TLCD4: variants seen among roughly 807,000 people sequenced by gnomAD.
TLCD4 encodes the protein TLC domain containing 4, also known as TLC domain-containing protein 4.
TLCD4 carries 7 observed loss-of-function variants against 24.2 expected under a neutral mutation model. The observed-to-expected ratio is 0.29, with a 90% CI of 0.16 to 0.54. The LOEUF is 0.54. Among genes scored for constraint, TLCD4 ranks in the 20% least tolerant of loss-of-function variants. The pLI is 0.95. For synonymous variants in TLCD4, 103 were observed against 106.4 expected (o/e 0.97, Z 0.20); for missense variants, 259 against 313.9 (o/e 0.82, Z 1.32).
At chr1:95,145,806 A>G (rs1677327537) in intron 2 of TLCD4, among the ~76,000 whole-genome samples, 1 of 152,182 alleles carries the variant, frequency 6.6e-6, no homozygotes, top group South Asian at 2.1e-4. Context: ...AATATTTTGC[A>G]TTATCTAGTC....
intron 6 of TLCD4, among the ~76,000 whole-genome samples, chr1:95,180,859 T>C (rs564747943): frequency 1.7e-4 from 26 of 152,350 alleles, no homozygotes; most frequent in Non-Finnish European, 3.1e-4. Context: ...GCTTTAGATA[T>C]AGCGTCTGGC....
intron 5 of TLCD4, among the ~76,000 whole-genome samples, chr1:95,153,175 T>A (rs1179801106): frequency 6.6e-6 from 1 of 152,008 alleles, no homozygotes; most frequent in Non-Finnish European, 1.5e-5. Flanking sequence ...TGTTTAATGG[T>A]ACAGAGTTTC....
chr1:95,164,277 C>G (rs769727421), intron 5 of TLCD4: 1 of 153,006 alleles, frequency 6.5e-6, no homozygotes, highest in East Asian at 1.9e-4. Context: ...AGCGAGGCTC[C>G]GTGGGCATGG....
rs190228809 is a variant in TLCD4 at position 95,160,902 on chromosome 1, G to A, written c.399+9483G>A. Among the ~76,000 whole-genome samples the A allele has an allele frequency of 2.6e-5, 4 of 152,286 alleles. No individual in the cohort carries two copies. In the East Asian group the frequency reaches 7.7e-4, roughly 29 times the overall value. ...CTTGATGTGCTGCTGGATTTGGTTT[G>A]CCAGTATTTTATTGAGGATTTTTGC... On this transcript the variant is annotated intron_variant, in intron 5 of 6. Transcript: ENST00000370203.
chr1:95,099,093 T>G, the TLCD4 span, among the ~76,000 whole-genome samples: 1 of 139,114 alleles, frequency 7.2e-6, no homozygotes, highest in South Asian at 2.3e-4. Flanking sequence ...GTAATGATGT[T>G]TCTTTAGAAT....
chr1:95,121,620 G>A (rs369117477), intron 1 of TLCD4, among the ~76,000 whole-genome samples: 1 of 152,102 alleles, frequency 6.6e-6, no homozygotes, highest in African/African-American at 2.4e-5. Flanking sequence ...ACAGGCACCC[G>A]CCACCACCCC....
At chr1:95,149,517 T>C (rs1444415166) in intron 3 of TLCD4, among the ~76,000 whole-genome samples, 3 of 152,136 alleles carry the variant, frequency 2.0e-5, no homozygotes, top group Non-Finnish European at 4.4e-5. Context: ...TGCAAGGACG[T>C]TTTTCTATTC....
the TLCD4 span, among the ~76,000 whole-genome samples, chr1:95,110,913 G>A: frequency 6.6e-6 from 1 of 150,608 alleles, no homozygotes; most frequent in South Asian, 2.1e-4. Context: ...CATATAAACT[G>A]GTGATTGATA....
intron 1 of TLCD4, among the ~76,000 whole-genome samples, chr1:95,121,818 T>C (rs1352163380): frequency 2.0e-5 from 3 of 152,380 alleles, no homozygotes; most frequent in Non-Finnish European, 2.9e-5. Flanking sequence ...CTGTCAGGAC[T>C]TCCTTAGAAG....
upstream of TLCD4, among the ~76,000 whole-genome samples, chr1:95,114,060 T>C (rs1321164157): frequency 1.3e-5 from 2 of 152,122 alleles, no homozygotes; most frequent in Non-Finnish European, 2.9e-5. Context: ...CCTTTTGGTT[T>C]GTTTGTTTGT....
chr1:95,100,176 T>C, the TLCD4 span, among the ~76,000 whole-genome samples: 1 of 152,248 alleles, frequency 6.6e-6, no homozygotes, highest in Non-Finnish European at 1.5e-5. Flanking sequence ...AATCTTATTG[T>C]CACTATTTTA....
At chr1:95,113,014 C>T (rs143910230), upstream of TLCD4, among the ~76,000 whole-genome samples, 7 of 151,902 alleles carry the variant, frequency 4.6e-5, 1 homozygote, top group African/African-American at 1.7e-4. Context: ...CTGCATCCAA[C>T]CTTAGCTACA....
chr1:95,193,503 G>A lies in TLCD4; in HGVS notation c.*1635G>A, dbSNP rs1399904981. 1 of 152,050 alleles carries A rather than the reference G, an allele frequency of 6.6e-6. No homozygotes were observed. Among genetic ancestry groups the A allele is most frequent in the Non-Finnish European group, 1.5e-5 (1 of 67,946 alleles). The allele number at this position is 152,050 out of a possible 1,614,324, so 9.4% of individuals were successfully genotyped here. A position where few individuals can be genotyped will look rare whatever the true frequency, so the allele number is the denominator to read the frequency against. On this transcript the variant is annotated 3_prime_UTR_variant, in exon 7 of 7. Transcript: ENST00000370203. ...GAAATTAATTGAACTCATACCAAAA[G>A]ATGTAATCCAGTTTCTCAGTTTGAA... is the stretch of plus-strand genomic sequence containing the variant.
intron 1 of TLCD4, among the ~76,000 whole-genome samples, chr1:95,140,295 A>G (rs746242250): frequency 5.3e-5 from 8 of 152,120 alleles, no homozygotes; most frequent in Non-Finnish European, 8.8e-5. Context: ...ATCACCTCAA[A>G]CACGTGAGTA....
the TLCD4 span, among the ~76,000 whole-genome samples, chr1:95,109,912 CATATATATATATATATATATATATAT>C: frequency 2.1e-4 from 17 of 80,276 alleles, no homozygotes; most frequent in East Asian, 1.6e-3. Flanking sequence ...TGTGTGTATG[CATATATATATATATATATATATATAT>C]ATATATATAT....
chr1:95,188,924 A>G (rs1039547911), intron 6 of TLCD4, among the ~76,000 whole-genome samples: 12 of 152,130 alleles, frequency 7.9e-5, no homozygotes, highest in African/African-American at 2.4e-4. Flanking sequence ...CATTGTTTCT[A>G]TGGGCTCCTA....
chr1:95,115,184 A>G (rs566013347), upstream of TLCD4, among the ~76,000 whole-genome samples: 1 of 151,208 alleles, frequency 6.6e-6, no homozygotes, highest in Non-Finnish European at 1.5e-5. Context: ...CTCGGCTCAC[A>G]CAACCTCTGC....
rs1679159163 is a variant in TLCD4 at position 95,195,256 on chromosome 1, T to C, written c.*3388T>C. ...GCCAGGTTTACTGTTGGTTGCACCA[T>C]CTGTTATCAGGCATGCAGAAACATT... On this transcript the variant is annotated 3_prime_UTR_variant, in exon 7 of 7. Coordinates refer to ENST00000370203, the MANE Select transcript of TLCD4 (RefSeq NM_152487.3). 1 of 152,180 alleles carries C rather than the reference T, an allele frequency of 6.6e-6. No homozygotes were observed. Among genetic ancestry groups the C allele is most frequent in the Admixed American group, 6.5e-5 (1 of 15,268 alleles). 9.4% of individuals were successfully genotyped at this position (152,180 alleles called of 1,614,324 possible).
intron 6 of TLCD4, among the ~76,000 whole-genome samples, chr1:95,189,747 A>G (rs1379952615): frequency 6.6e-6 from 1 of 152,188 alleles, no homozygotes; most frequent in Non-Finnish European, 1.5e-5. Flanking sequence ...TAGTATTCCA[A>G]TGTATGGATG....
Sources: allele counts gnomAD v4.1 joint callset (sites outside exome capture counted in the v4.1 genomes callset), GRCh38; gene constraint gnomAD v4.1.1; transcripts MANE v1.5; gene names NCBI Gene and HGNC (gene_info 2026-07-23, HGNC 2026-07-21).